CLCN3: variants seen among roughly 807,000 people sequenced by gnomAD.
The protein encoded by CLCN3 is H(+)/Cl(-) exchange transporter 3.
In CLCN3, 16 loss-of-function variants were observed where a neutral mutation model predicts 83.4. The observed-to-expected ratio is 0.19, with a 90% confidence interval of 0.13 to 0.29. The LOEUF (loss-of-function observed/expected upper bound fraction) is 0.29, where lower values mean the gene tolerates loss of function less well. CLCN3 is among the 10% of genes least tolerant of loss of function. CLCN3 has a pLI of 1.00. For synonymous variants in CLCN3, 322 were observed against 346.2 expected (o/e 0.93, Z 0.78); for missense variants, 544 against 1,006.0 (o/e 0.54, Z 6.21).
At chr4:169,676,329 GC>G (rs1731674011) in intron 2 of CLCN3, among the ~76,000 whole-genome samples, 1 of 152,006 alleles carries the variant, frequency 6.6e-6, no homozygotes, top group African/African-American at 2.4e-5. Flanking sequence ...AAATATTTAA[GC>G]TTTTGTGCAC....
At chr4:169,641,880 C>G (rs1242658309) in intron 2 of CLCN3, among the ~76,000 whole-genome samples, 1 of 152,016 alleles carries the variant, frequency 6.6e-6, no homozygotes, top group Non-Finnish European at 1.5e-5. Flanking sequence ...TAGGTAAAAC[C>G]ATAATACAAA....
At chr4:169,694,396 A>C (rs1400035840) in intron 7 of CLCN3, among the ~76,000 whole-genome samples, 2 of 152,232 alleles carry the variant, frequency 1.3e-5, no homozygotes, top group Admixed American at 6.5e-5. Flanking sequence ...ATTTCAACAC[A>C]GCAGCCTGAC....
chr4:169,666,559 G>A (rs557947958), intron 2 of CLCN3, among the ~76,000 whole-genome samples: 15 of 152,312 alleles, frequency 9.8e-5, no homozygotes, highest in African/African-American at 3.6e-4. Context: ...GGCAAAGAGG[G>A]ATGGTGATGG....
At chr4:169,645,271 T>C (rs1730542879) in intron 2 of CLCN3, among the ~76,000 whole-genome samples, 1 of 151,968 alleles carries the variant, frequency 6.6e-6, no homozygotes, top group African/African-American at 2.4e-5. Context: ...CTTGTTATAT[T>C]GTATTAAAAA....
chr4:169,718,357 G>A (rs900677554), intron 12 of CLCN3, among the ~76,000 whole-genome samples: 3 of 151,858 alleles, frequency 2.0e-5, no homozygotes, highest in Non-Finnish European at 4.4e-5. Flanking sequence ...ACTGCTTACA[G>A]TTAAATGGAT....
intron 2 of CLCN3, among the ~76,000 whole-genome samples, chr4:169,657,600 A>G (rs534880084): frequency 3.9e-5 from 6 of 152,170 alleles, no homozygotes; most frequent in Non-Finnish European, 8.8e-5. Flanking sequence ...ATTATCATCT[A>G]TTCTGCCTTC....
In CLCN3 at chr4:169,697,728, C is replaced by A; in HGVS notation, c.1557C>A (p.Gly519=). The A allele has an allele frequency of 6.2e-7, 1 of 1,602,084 alleles. No homozygotes were observed. Among genetic ancestry groups the A allele is most frequent in the South Asian group, 1.1e-5 (1 of 89,978 alleles). The part of the protein sequence containing the change: ...FKIIMTVFTF[G]IKVPSGLFIP... ...TCATAATGACAGTATTCACTTTTGG[C>A]ATCAAGGTAAGTGCTAATGTGAGGT... is the stretch of plus-strand genomic sequence containing the variant. The change falls in exon 9 of 13, where the codon GGC becomes GGA. Residue 519 remains glycine, a synonymous_variant. Coordinates refer to ENST00000513761, the MANE Select transcript of CLCN3 (RefSeq NM_001829.4).
chr4:169,690,788 A>T, intron 6 of CLCN3, 136 bp downstream of exon 6: 1 of 660,348 alleles, frequency 1.5e-6, no homozygotes, highest in Non-Finnish European at 2.4e-6. Flanking sequence ...TTTTTTAAGT[A>T]TAAGCTGATG....
At chr4:169,644,302 G>A (rs1019110193) in intron 2 of CLCN3, among the ~76,000 whole-genome samples, 8 of 135,842 alleles carry the variant, frequency 5.9e-5, no homozygotes, top group Non-Finnish European at 1.1e-4. Flanking sequence ...GTCTCCCTCT[G>A]TTGCCCAGGC....
intron 1 of CLCN3, among the ~76,000 whole-genome samples, chr4:169,624,616 G>A (rs570580851): frequency 6.6e-6 from 1 of 152,230 alleles, no homozygotes; most frequent in South Asian, 2.1e-4. Flanking sequence ...CCCTCTTGAG[G>A]AAAATGTATA....
intron 5 of CLCN3, among the ~76,000 whole-genome samples, 198 bp downstream of exon 5, chr4:169,689,428 A>G (rs1462454622): frequency 2.6e-5 from 4 of 152,254 alleles, no homozygotes; most frequent in Admixed American, 2.0e-4. Context: ...GCATAGTCAT[A>G]TAACAAATCC....
At chr4:169,674,523 C>T (rs1022790688) in intron 2 of CLCN3, among the ~76,000 whole-genome samples, 1 of 152,090 alleles carries the variant, frequency 6.6e-6, no homozygotes, top group Non-Finnish European at 1.5e-5. Context: ...GAAGTTACTA[C>T]ATAACATTAG....
At chr4:169,668,180 T>A (rs138820107) in intron 2 of CLCN3, among the ~76,000 whole-genome samples, 30 of 151,858 alleles carry the variant, frequency 2.0e-4, no homozygotes, top group African/African-American at 7.0e-4. Context: ...GTTTTTTGTT[T>A]GTTATTTGTT....
At chr4:169,712,245 G>T (rs1733249482) in intron 11 of CLCN3, among the ~76,000 whole-genome samples, 1 of 152,086 alleles carries the variant, frequency 6.6e-6, no homozygotes, top group Non-Finnish European at 1.5e-5. Flanking sequence ...AAAGCTGAAT[G>T]ACTATTTTAT....
chr4:169,640,135 C>T (rs1730363008), intron 2 of CLCN3, among the ~76,000 whole-genome samples: 1 of 152,176 alleles, frequency 6.6e-6, no homozygotes, highest in South Asian at 2.1e-4. Flanking sequence ...GGTAAGGACT[C>T]ACTAAATAGT....
rs186498605 is a variant in CLCN3, at chr4:169,638,119, C to G, written c.160+2031C>G. On this transcript the variant is annotated intron_variant, in intron 2 of 12. Coordinates refer to ENST00000513761, the MANE Select transcript of CLCN3 (RefSeq NM_001829.4). ...TTCTGTTTGTCACATCTGTTCTTTC[C>G]TCTCCCCTTATTTCTGTTACCTTCA... 1.4e-4 allele frequency among the ~76,000 whole-genome samples: 21 copies of G among 152,010 alleles called. No homozygotes were observed. The East Asian group carries it at 3.3e-3, about 24-fold the overall frequency.
At chr4:169,630,859 T>C (rs1022165391) in intron 1 of CLCN3, among the ~76,000 whole-genome samples, 7 of 152,220 alleles carry the variant, frequency 4.6e-5, no homozygotes, top group African/African-American at 9.6e-5. Context: ...CAGTCCACTA[T>C]TGATGAGCAC....
At chr4:169,687,829 AT>A in intron 4 of CLCN3, 72 bp downstream of exon 4, 62 of 741,478 alleles carry the variant, frequency 8.4e-5, no homozygotes, top group Middle Eastern at 2.5e-4. Context: ...CCTTCCCTCA[AT>A]TTTTTTTCAG....
intron 12 of CLCN3, chr4:169,717,742 T>G: frequency 1.1e-6 from 1 of 917,176 alleles, no homozygotes; most frequent in Non-Finnish European, 1.6e-6. Context: ...GATTGGAAAC[T>G]CTTTTAATTT....
Sources: gnomAD v4.1 joint callset for allele counts (sites outside exome capture counted in the v4.1 genomes callset) on GRCh38, gnomAD v4.1.1 for gene constraint, MANE v1.5 for transcripts, NCBI Gene and HGNC (gene_info 2026-07-23, HGNC 2026-07-21) for gene names.